Variants in SNCAIP observed in about 807,000 individuals in gnomAD.
The protein encoded by SNCAIP is synphilin-1.
SNCAIP carries 43 observed loss-of-function variants against 86.7 expected under a neutral mutation model. The ratio of observed to expected loss-of-function variants is 0.50; its 90% CI spans 0.39 to 0.64. SNCAIP has a LOEUF of 0.64. Among genes scored for constraint, SNCAIP ranks in the 30% least tolerant of loss-of-function variants. The probability of loss-of-function intolerance (pLI) is 0.00; values close to 1 mark genes in which losing one functional copy is unlikely to be tolerated. For synonymous variants in SNCAIP, 417 were observed against 427.2 expected (o/e 0.98, Z 0.29); for missense variants, 981 against 1,103.1 (o/e 0.89, Z 1.57).
chr5:122,403,995 C>G lies in SNCAIP; in HGVS notation c.130+130C>G, dbSNP rs1182852054. ...TCTCTTTACGGCTTCTCCACTCACA[C>G]CACCCCCCACCTCATGCCCTGCCTT... On this transcript the variant is annotated intron_variant, in intron 3 of 10. Coordinates refer to ENST00000261368, the MANE Select transcript of SNCAIP (RefSeq NM_005460.4). 4.2e-6 allele frequency: 3 copies of G among 714,578 alleles called. No homozygotes were observed. The African/African-American group carries it at 5.3e-5, about 13-fold the overall frequency. 44.3% of individuals were successfully genotyped at this position (714,578 alleles called of 1,614,324 possible).
intron 1 of SNCAIP, among the ~76,000 whole-genome samples, chr5:122,352,281 G>C (rs999853004): frequency 2.0e-5 from 3 of 152,120 alleles, no homozygotes; most frequent in African/African-American, 7.2e-5. Flanking sequence ...ATTTTTAAAA[G>C]AATATGTTTT....
At chr5:122,413,973 A>C (rs751650633) in intron 3 of SNCAIP, among the ~76,000 whole-genome samples, 4 of 152,158 alleles carry the variant, frequency 2.6e-5, no homozygotes, top group Admixed American at 6.5e-5. Flanking sequence ...GAATTGGTAC[A>C]ATCATAGCTC....
chr5:122,349,778 A>G, intron 1 of SNCAIP, among the ~76,000 whole-genome samples: 1 of 152,172 alleles, frequency 6.6e-6, no homozygotes, highest in Non-Finnish European at 1.5e-5. Context: ...TACTCTAGCC[A>G]CACAAATATA....
intron 1 of SNCAIP, among the ~76,000 whole-genome samples, chr5:122,387,516 G>A (rs1227502964): frequency 6.6e-6 from 1 of 152,150 alleles, no homozygotes; most frequent in African/African-American, 2.4e-5. Context: ...TTTTGCTTAG[G>A]TATAAACCCA....
At chr5:122,336,470 A>G (rs1756487186) in intron 1 of SNCAIP, among the ~76,000 whole-genome samples, 1 of 152,220 alleles carries the variant, frequency 6.6e-6, no homozygotes, top group African/African-American at 2.4e-5. Flanking sequence ...TCCCTGGACC[A>G]TAGAGGTTTT....
chr5:122,320,275 A>G (rs527452456), intron 1 of SNCAIP, among the ~76,000 whole-genome samples: 7 of 152,320 alleles, frequency 4.6e-5, no homozygotes, highest in Admixed American at 3.9e-4. Flanking sequence ...TTCCGAGTAC[A>G]GTTTGCACAC....
chr5:122,385,272 A>G (rs897672155), intron 1 of SNCAIP, among the ~76,000 whole-genome samples: 9 of 152,200 alleles, frequency 5.9e-5, no homozygotes, highest in Non-Finnish European at 1.2e-4. Flanking sequence ...CATCCAGAAT[A>G]TTCCATAAAT....
chr5:122,312,061 T>A (rs1055881639), upstream of SNCAIP: 3 of 145,828 alleles, frequency 2.1e-5, no homozygotes, highest in African/African-American at 7.4e-5. Flanking sequence ...CAGCGCCGGC[T>A]TCGGGCCGCG....
chr5:122,339,819 TG>T (rs1448476174), intron 1 of SNCAIP, among the ~76,000 whole-genome samples: 14 of 152,342 alleles, frequency 9.2e-5, no homozygotes, highest in African/African-American at 2.6e-4. Context: ...AACAGAAGTC[TG>T]GGAACTAACG....
rs763794449 is a variant in SNCAIP, at chr5:122,451,543, G to C, written c.2696G>C (p.Arg899Thr). The C allele has an allele frequency of 3.1e-6, 5 of 1,613,682 alleles. No individual in the cohort carries two copies. The highest frequency in any genetic ancestry group is 3.3e-5 in the Admixed American group (2 of 60,004). ...ACATTGCCCTTGACCTCACTTGGGA[G>C]GAAGACAGATGCCAAGGGAAACCCT... ...TSTLPLTSLG[R>T]KTDAKGNPAS... The change falls in exon 10 of 11, where the codon AGG (arginine) becomes ACG (threonine). Residue 899 changes from arginine (R) to threonine (T), a missense_variant. Arg to Thr is a moderately conservative substitution (Grantham distance 71). Transcript: ENST00000261368.
intron 1 of SNCAIP, among the ~76,000 whole-genome samples, chr5:122,355,215 G>A (rs1040950293): frequency 6.6e-6 from 1 of 152,050 alleles, no homozygotes; most frequent in African/African-American, 2.4e-5. Context: ...ATGTTTCAGA[G>A]GATATAAATT....
chr5:122,448,663 A>T (rs565832950), intron 8 of SNCAIP, among the ~76,000 whole-genome samples: 1,791 of 136,938 alleles, frequency 0.013, 36 homozygotes, highest in Middle Eastern at 0.029. Flanking sequence ...TATATATATT[A>T]TATATATTAT....
chr5:122,361,321 A>C lies in SNCAIP; in HGVS notation c.-46-29768A>C, dbSNP rs548087588. 2.0e-5 allele frequency among the ~76,000 whole-genome samples: 3 copies of C among 152,174 alleles called. No individual in the cohort carries two copies. In the East Asian group the frequency reaches 5.8e-4, roughly 29 times the overall value. On this transcript the variant is annotated intron_variant, in intron 1 of 10. Coordinates refer to ENST00000261368, the MANE Select transcript of SNCAIP (RefSeq NM_005460.4). ...CTTTCTGAAGTTATTTACTGCTCCA[A>C]ATTTTCTAGTGGCCTGGTGTGTGTT...
In SNCAIP at chr5:122,378,756, T is replaced by C. The variant is rs1442642492; in HGVS notation, c.-46-12333T>C. 8.7e-3 allele frequency among the ~76,000 whole-genome samples: 1,209 copies of C among 139,006 alleles called. 90 individuals carry two copies. Among genetic ancestry groups the C allele is most frequent in the African/African-American group, 0.031 (1,133 of 36,762 alleles). 91.2% of individuals were successfully genotyped at this position (139,006 alleles called of 152,430 possible). On this transcript the variant is annotated intron_variant, in intron 1 of 10. Coordinates refer to ENST00000261368, the MANE Select transcript of SNCAIP (RefSeq NM_005460.4). ...AGGGATCCAGTTTCAGCTTTCTACA[T>C]ATGGCTAGCCAGTTTTCCCAGCACC...
intron 10 of SNCAIP, among the ~76,000 whole-genome samples, chr5:122,463,132 A>T (rs539488024): frequency 1.3e-5 from 2 of 152,344 alleles, no homozygotes; most frequent in Non-Finnish European, 2.9e-5. Context: ...CTATCTAAAT[A>T]AAATAAAAAT....
At chr5:122,444,249 T>C (rs1581321735) in intron 7 of SNCAIP, 4 of 496,452 alleles carry the variant, frequency 8.1e-6, no homozygotes, top group South Asian at 1.5e-5. Flanking sequence ...AGTGATTCTC[T>C]TGGAGCCCAA....
chr5:122,462,791 C>T (rs1786711304), intron 10 of SNCAIP, among the ~76,000 whole-genome samples: 1 of 152,104 alleles, frequency 6.6e-6, no homozygotes, highest in Admixed American at 6.6e-5. Flanking sequence ...TGGCCTTGTC[C>T]ACCCTCAGAA....
intron 1 of SNCAIP, among the ~76,000 whole-genome samples, chr5:122,316,831 C>G (rs1292784719): frequency 6.6e-6 from 1 of 152,210 alleles, no homozygotes. Context: ...GCCCTTACCG[C>G]AAAGTGCAGC....
At chr5:122,407,285 G>A (rs1773207171) in intron 3 of SNCAIP, among the ~76,000 whole-genome samples, 1 of 152,212 alleles carries the variant, frequency 6.6e-6, no homozygotes, top group Non-Finnish European at 1.5e-5. Flanking sequence ...AGCAAAGAGT[G>A]TTGAAGGCAG....
Sources: allele counts gnomAD v4.1 joint callset (sites outside exome capture counted in the v4.1 genomes callset), GRCh38; gene constraint gnomAD v4.1.1; transcripts MANE v1.5; gene names NCBI Gene and HGNC (gene_info 2026-07-23, HGNC 2026-07-21).